SCN8A: variants seen among roughly 807,000 people sequenced by gnomAD.
The protein encoded by SCN8A is sodium channel protein type 8 subunit alpha.
Under a neutral mutation model 184.1 loss-of-function variants are expected in SCN8A, and 30 were observed. That is an observed-to-expected ratio of 0.16 (90% CI 0.12 to 0.22). The LOEUF (loss-of-function observed/expected upper bound fraction) is 0.22, where lower values mean the gene tolerates loss of function less well. SCN8A is among the 10% of genes least tolerant of loss of function. The probability of loss-of-function intolerance (pLI) is 1.00; values close to 1 mark genes in which losing one functional copy is unlikely to be tolerated. For missense variants in SCN8A, 1,057 were observed against 2,498.9 expected, an observed-to-expected ratio of 0.42 and a Z score of 12.30; for synonymous variants, 852 against 907.0, an observed-to-expected ratio of 0.94 and a Z score of 1.09.
intron 1 of SCN8A, among the ~76,000 whole-genome samples, chr12:51,610,737 C>T (rs1939703827): frequency 6.6e-6 from 1 of 152,174 alleles, no homozygotes; most frequent in Admixed American, 6.5e-5. Context: ...TCCCTTCTAG[C>T]TAGTAGGGTT....
At chr12:51,610,169 CAAAAAAAAAAAA>C (rs398019572) in intron 1 of SCN8A, among the ~76,000 whole-genome samples, 2 of 55,932 alleles carry the variant, frequency 3.6e-5, no homozygotes, top group African/African-American at 7.4e-5. Context: ...AACTCTGTCT[CAAAAAAAAAAAA>C]AAAAAAAAAA....
chr12:51,778,580 C>T (rs897311640), intron 20 of SCN8A, among the ~76,000 whole-genome samples: 1 of 152,122 alleles, frequency 6.6e-6, no homozygotes, highest in Non-Finnish European at 1.5e-5. Context: ...AAATCGAAAC[C>T]TTTAAACCTG....
At chr12:51,656,935 A>G (rs1940832603) in intron 1 of SCN8A, among the ~76,000 whole-genome samples, 1 of 152,188 alleles carries the variant, frequency 6.6e-6, no homozygotes. Context: ...CACAAAATGC[A>G]AAATAGTTCA....
Position 51,618,454 on chromosome 12 carries a change from GAGC to G in SCN8A, c.-55+27097_-55+27099del, listed in dbSNP as rs1158771691. Among the ~76,000 whole-genome samples, 18 of 136,152 alleles carry G rather than the reference GAGC, an allele frequency of 1.3e-4. No homozygotes were observed. The East Asian group carries it at 1.9e-3, about 15-fold the overall frequency. The allele number at this position is 136,152 out of a possible 152,430, so 89.3% of individuals were successfully genotyped here. ...TTTGAGTCCAGGCCAAGAGATACCA[GAGC>G]AACACACACACACACACACACACAC... On this transcript the variant is annotated intron_variant, in intron 1 of 26. Transcript: ENST00000627620.
intron 1 of SCN8A, among the ~76,000 whole-genome samples, chr12:51,600,675 T>C (rs991434232): frequency 2.6e-5 from 4 of 152,178 alleles, no homozygotes; most frequent in Non-Finnish European, 5.9e-5. Context: ...GCTTGGGTTC[T>C]GCTACTGCCC....
At chr12:51,692,147 A>G (rs894978962) in intron 6 of SCN8A, among the ~76,000 whole-genome samples, 2 of 152,210 alleles carry the variant, frequency 1.3e-5, no homozygotes, top group Non-Finnish European at 2.9e-5. Flanking sequence ...GTTATAGACT[A>G]CTGCCAAGGG....
chr12:51,654,708 A>C (rs1281480742), intron 1 of SCN8A, among the ~76,000 whole-genome samples: 3 of 151,864 alleles, frequency 2.0e-5, no homozygotes, highest in Non-Finnish European at 4.4e-5. Context: ...ATGGGGTCTC[A>C]CTATAGTTGA....
At chr12:51,769,795 A>G in intron 17 of SCN8A, 73 bp from the exon 18 acceptor site, 1 of 953,832 alleles carries the variant, frequency 1.0e-6, no homozygotes, top group Middle Eastern at 2.7e-4. Context: ...TCCCCACCAG[A>G]GGCAGAGTTC....
intron 6 of SCN8A, among the ~76,000 whole-genome samples, chr12:51,694,748 G>A (rs1373945121): frequency 6.6e-6 from 1 of 152,228 alleles, no homozygotes; most frequent in East Asian, 1.9e-4. Flanking sequence ...TGTATAGCCA[G>A]AATGATGGCA....
In SCN8A at chr12:51,745,810, A is replaced by G. The variant is rs764161453; in HGVS notation, c.1999-93A>G. 3.2e-5 allele frequency: 32 copies of G among 1,012,094 alleles called. 1 individual carries two copies. In the South Asian group the frequency reaches 3.6e-4, roughly 11 times the overall value. 62.7% of individuals were successfully genotyped at this position (1,012,094 alleles called of 1,614,324 possible). On this transcript the variant is annotated intron_variant, in intron 12 of 26. Transcript: ENST00000627620. The stretch of plus-strand genomic sequence containing the variant: ...GGATCAAAGTTAAAGACTGTAATGA[A>G]GATCACACACTGGACTGTGTATCAA...
At chr12:51,797,976 G>C (rs1401697295) in intron 26 of SCN8A, among the ~76,000 whole-genome samples, 1 of 152,162 alleles carries the variant, frequency 6.6e-6, no homozygotes, top group African/African-American at 2.4e-5. Flanking sequence ...AGGGGTGATG[G>C]GGAGTGGTGC....
intron 1 of SCN8A, among the ~76,000 whole-genome samples, chr12:51,606,258 T>G (rs1436320000): frequency 1.3e-5 from 2 of 152,194 alleles, no homozygotes; most frequent in Admixed American, 1.3e-4. Flanking sequence ...CTTGAGTTGA[T>G]TTTTGTATAA....
chr12:51,602,107 T>C (rs1945975046), intron 1 of SCN8A, among the ~76,000 whole-genome samples: 2 of 152,204 alleles, frequency 1.3e-5, no homozygotes, highest in South Asian at 4.2e-4. Context: ...AAAGAACTGT[T>C]ATTTGTGGGA....
chr12:51,783,680 G>A lies in SCN8A; in HGVS notation c.3943-2862G>A, dbSNP rs546841848. ...TGAGGGTATATAATATTAGTGCCAT[G>A]AAACATGCATGCATTTTTGTTGATT... On this transcript the variant is annotated intron_variant, in intron 21 of 26. Transcript: ENST00000627620. Among the ~76,000 whole-genome samples, 18 of 152,318 alleles carry A rather than the reference G, an allele frequency of 1.2e-4. No individual in the cohort carries two copies. The South Asian group carries it at 2.9e-3, about 25-fold the overall frequency.
chr12:51,604,477 TTTTGTTTG>T (rs376804300), intron 1 of SCN8A, among the ~76,000 whole-genome samples: 21 of 152,174 alleles, frequency 1.4e-4, no homozygotes, highest in African/African-American at 4.3e-4. Flanking sequence ...CCCCAGGTTT[TTTTGTTTG>T]TTTGTTTGTT....
chr12:51,692,296 C>G (rs1941524057), intron 6 of SCN8A, among the ~76,000 whole-genome samples: 1 of 152,202 alleles, frequency 6.6e-6, no homozygotes, highest in Admixed American at 6.5e-5. Context: ...TGGGCTGATA[C>G]TGTCCTTCCT....
chr12:51,624,037 G>C (rs934725701), intron 1 of SCN8A, among the ~76,000 whole-genome samples: 2 of 152,180 alleles, frequency 1.3e-5, no homozygotes, highest in African/African-American at 4.8e-5. Flanking sequence ...TTGGTTCCAA[G>C]TCTTTGCTAT....
intron 1 of SCN8A, among the ~76,000 whole-genome samples, chr12:51,644,525 G>A (rs61933355): frequency 0.034 from 5,192 of 152,284 alleles, 115 homozygotes; most frequent in Non-Finnish European, 0.053. Context: ...ACGGAGTCTC[G>A]TTCACTCAGT....
intron 1 of SCN8A, among the ~76,000 whole-genome samples, chr12:51,642,098 T>C (rs1021001863): frequency 2.6e-5 from 4 of 152,236 alleles, no homozygotes; most frequent in Non-Finnish European, 5.9e-5. Flanking sequence ...CATTCCTAGA[T>C]TGCTCCTTCC....
Sources: allele counts gnomAD v4.1 joint callset (sites outside exome capture counted in the v4.1 genomes callset), GRCh38; gene constraint gnomAD v4.1.1; transcripts MANE v1.5; gene names NCBI Gene and HGNC (gene_info 2026-07-23, HGNC 2026-07-21).